Variants in PDE1C observed in about 807,000 individuals in gnomAD.
PDE1C encodes the protein dual specificity calcium/calmodulin-dependent 3',5'-cyclic nucleotide phosphodiesterase 1C.
Under a neutral mutation model 93.1 loss-of-function variants are expected in PDE1C, and 62 were observed. The ratio of observed to expected loss-of-function variants is 0.67; its 90% CI spans 0.54 to 0.82. The LOEUF (loss-of-function observed/expected upper bound fraction) is 0.82. Ranked by LOEUF, PDE1C falls within the 40% of genes least tolerant of loss-of-function variation. The probability of loss-of-function intolerance (pLI) is 0.00; values close to 1 mark genes in which losing one functional copy is unlikely to be tolerated. For synonymous variants in PDE1C, 325 were observed against 310.1 expected, an observed-to-expected ratio of 1.05 and a Z score of -0.50; for missense variants, 742 against 884.6, an observed-to-expected ratio of 0.84 and a Z score of 2.04.
chr7:32,268,638 G>A (rs1241779900), intron 1 of PDE1C, among the ~76,000 whole-genome samples: 2 of 152,034 alleles, frequency 1.3e-5, no homozygotes, highest in African/African-American at 4.8e-5. Context: ...AGGGAAAATT[G>A]CCTACGGTGA....
chr7:31,644,873 C>T, the PDE1C span, among the ~76,000 whole-genome samples: 4 of 152,206 alleles, frequency 2.6e-5, no homozygotes, highest in African/African-American at 7.2e-5. Flanking sequence ...AGTGGAACCA[C>T]GATTTACTGA....
intron 1 of PDE1C, among the ~76,000 whole-genome samples, chr7:32,306,269 G>A (rs1813000871): frequency 1.3e-5 from 2 of 152,054 alleles, no homozygotes; most frequent in Admixed American, 1.3e-4. Flanking sequence ...CCGTAAATTG[G>A]GTTCCTGGTC....
chr7:32,174,579 G>A (rs1367530726), intron 2 of PDE1C, among the ~76,000 whole-genome samples: 1 of 152,202 alleles, frequency 6.6e-6, no homozygotes, highest in Non-Finnish European at 1.5e-5. Flanking sequence ...TAACAAAGCA[G>A]CTCCTGAGGC....
intron 2 of PDE1C, among the ~76,000 whole-genome samples, chr7:31,944,912 G>A (rs1806399580): frequency 6.6e-6 from 1 of 152,082 alleles, no homozygotes; most frequent in African/African-American, 2.4e-5. Flanking sequence ...AATAATTTTA[G>A]ATTTACAGAA....
intron 3 of PDE1C, among the ~76,000 whole-genome samples, chr7:32,143,246 T>C (rs1584846495): frequency 6.6e-6 from 1 of 151,234 alleles, no homozygotes; most frequent in East Asian, 1.9e-4. Flanking sequence ...ATCCCTTAGG[T>C]ACTTAAGTTT....
chr7:32,091,455 G>T (rs1797464417), intron 3 of PDE1C, among the ~76,000 whole-genome samples: 1 of 152,204 alleles, frequency 6.6e-6, no homozygotes, highest in African/African-American at 2.4e-5. Flanking sequence ...TATTCATCAG[G>T]GTGGTTAGAG....
At chr7:32,221,948 G>GT (rs992322021) in intron 1 of PDE1C, among the ~76,000 whole-genome samples, 18 of 152,114 alleles carry the variant, frequency 1.2e-4, no homozygotes, top group African/African-American at 4.1e-4. Context: ...AGCTCAAAAT[G>GT]TATCAGGAGA....
the PDE1C span, among the ~76,000 whole-genome samples, chr7:31,622,283 C>T: frequency 8.8e-6 from 1 of 113,112 alleles, no homozygotes; most frequent in South Asian, 4.2e-4. Context: ...ACTCTCCACC[C>T]CAAATCAACA....
chr7:31,898,606 A>G lies in PDE1C; in HGVS notation c.129-17746T>C, dbSNP rs1391722338. ...AAGTTTTGTAACTACATTTTTGTAC[A>G]CTTTTGTTATTTTGGCTTTTATTTG... On this transcript the variant is annotated intron_variant, in intron 2 of 17. Transcript: ENST00000396191. Among the ~76,000 whole-genome samples, 3 of 152,336 alleles carry G rather than the reference A, an allele frequency of 2.0e-5. No homozygotes were observed. In the East Asian group the frequency reaches 5.8e-4, roughly 29 times the overall value.
intron 1 of PDE1C, among the ~76,000 whole-genome samples, chr7:32,360,283 A>G (rs1784113474): frequency 6.6e-6 from 1 of 152,266 alleles, no homozygotes; most frequent in Non-Finnish European, 1.5e-5. Flanking sequence ...AAACATGATT[A>G]GTAAGATGAG....
intron 1 of PDE1C, among the ~76,000 whole-genome samples, chr7:32,343,262 A>G (rs1455669061): frequency 6.6e-6 from 1 of 152,208 alleles, no homozygotes; most frequent in South Asian, 2.1e-4. Context: ...TAAACGTCAA[A>G]TTTTGACAAA....
At chr7:31,901,489 T>C (rs1282120993) in intron 2 of PDE1C, among the ~76,000 whole-genome samples, 2 of 151,288 alleles carry the variant, frequency 1.3e-5, no homozygotes, top group Non-Finnish European at 3.0e-5. Flanking sequence ...AAAATGAATA[T>C]TGAAGAAAGT....
intron 3 of PDE1C, among the ~76,000 whole-genome samples, chr7:32,079,827 G>T (rs1252623571): frequency 6.6e-6 from 1 of 152,160 alleles, no homozygotes; most frequent in Non-Finnish European, 1.5e-5. Flanking sequence ...ACACTGGGTT[G>T]GTTAAAGCAA....
At chr7:31,643,161 A>T in the PDE1C span, 28 of 1,613,840 alleles carry the variant, frequency 1.7e-5, no homozygotes, top group South Asian at 1.1e-4. Context: ...ATGAGTCTCA[A>T]AGGTCACCTG....
chr7:31,869,637 A>G (rs1212488013), intron 6 of PDE1C, among the ~76,000 whole-genome samples: 1 of 152,090 alleles, frequency 6.6e-6, no homozygotes, highest in African/African-American at 2.4e-5. Context: ...ATATTACTAG[A>G]CCTAAAGAAG....
chr7:32,399,688 T>G (rs1383829245), intron 1 of PDE1C, among the ~76,000 whole-genome samples: 1 of 151,120 alleles, frequency 6.6e-6, no homozygotes, highest in African/African-American at 2.4e-5. Context: ...GTTCAAATGA[T>G]TCTCATGCCT....
intron 1 of PDE1C, among the ~76,000 whole-genome samples, chr7:32,298,004 C>G (rs1562660225): frequency 2.3e-5 from 1 of 43,630 alleles, no homozygotes; most frequent in Non-Finnish European, 4.2e-5. Context: ...TCTCCTCTCT[C>G]TCTCTCTCTC....
chr7:32,386,089 CTTTT>C lies in PDE1C; in HGVS notation c.310+41729_310+41732del, dbSNP rs3079658. Among the ~76,000 whole-genome samples the C allele has an allele frequency of 8.8e-3, 1,204 of 137,488 alleles. 6 individuals carry two copies. The highest frequency in any genetic ancestry group is 0.019 in the Middle Eastern group (5 of 270). The allele number at this position is 137,488 out of a possible 152,430, so 90.2% of individuals were successfully genotyped here. On this transcript the variant is annotated intron_variant, in intron 1 of 1. Coordinates refer to the PDE1C transcript ENST00000672256. ...CCTTTGTCCCTCCACCTTTTTCTTT[CTTTT>C]TTTTTTTTTTTTTTCCAGAAACAAA...
At chr7:32,279,848 C>T (rs986470425) in intron 1 of PDE1C, among the ~76,000 whole-genome samples, 1 of 151,940 alleles carries the variant, frequency 6.6e-6, no homozygotes, top group East Asian at 1.9e-4. Context: ...AGGGCAAAAA[C>T]CTAATTTCTT....
Sources: allele counts gnomAD v4.1 joint callset (sites outside exome capture counted in the v4.1 genomes callset), GRCh38; gene constraint gnomAD v4.1.1; transcripts MANE v1.5; gene names NCBI Gene and HGNC (gene_info 2026-07-23, HGNC 2026-07-21).